Variants in KIAA1217 observed in about 807,000 individuals in gnomAD.
KIAA1217 encodes the protein sickle tail protein homolog.
In KIAA1217, 88 loss-of-function variants were observed where a neutral mutation model predicts 163.9. That is an observed-to-expected ratio of 0.54 (90% CI 0.45 to 0.64). The LOEUF is 0.64. KIAA1217 is among the 30% of genes least tolerant of loss of function. The probability of loss-of-function intolerance (pLI) is 0.00; values close to 1 mark genes in which losing one functional copy is unlikely to be tolerated. For synonymous variants in KIAA1217, 903 were observed against 923.1 expected (o/e 0.98, Z 0.39); for missense variants, 2,372 against 2,475.0 (o/e 0.96, Z 0.88).
chr10:23,849,245 A>G (rs1386219350), intron 1 of KIAA1217, among the ~76,000 whole-genome samples: 1 of 152,062 alleles, frequency 6.6e-6, no homozygotes, highest in African/African-American at 2.4e-5. Flanking sequence ...AAATCCAGGG[A>G]CTAATGTTGG....
rs143607296 is a variant in KIAA1217 at position 23,830,666 on chromosome 10, ATAGGTAGGTAGG to A, written c.-321+135464_-321+135475del. On this transcript the variant is annotated intron_variant, in intron 1 of 18. Coordinates refer to the KIAA1217 transcript ENST00000376462. ...GACGATTGATAGAAAATGAGAAATCATAGGTAGGTAGGTAGGTAGGTAGGTAGGTAGGTAGGT... is the reference window on the plus strand; with the variant it reads ...GACGATTGATAGAAAATGAGAAATCATAGGTAGGTAGGTAGGTAGGTAGGT... 1.8e-3 allele frequency among the ~76,000 whole-genome samples: 267 copies of A among 147,868 alleles called. 1 individual carries two copies. The highest frequency in any genetic ancestry group is 3.4e-3 in the East Asian group (17 of 4,950).
At chr10:23,939,477 T>A (rs12354660) in intron 1 of KIAA1217, among the ~76,000 whole-genome samples, 1 of 151,998 alleles carries the variant, frequency 6.6e-6, no homozygotes, top group Admixed American at 6.5e-5. Flanking sequence ...GCAGTAGATT[T>A]TAGGAGAAAG....
At chr10:24,113,628 C>T (rs912430927) in intron 2 of KIAA1217, among the ~76,000 whole-genome samples, 3 of 152,170 alleles carry the variant, frequency 2.0e-5, no homozygotes, top group African/African-American at 7.2e-5. Flanking sequence ...TAAAATGACA[C>T]CACTGAGCAG....
intron 2 of KIAA1217, among the ~76,000 whole-genome samples, chr10:24,187,218 GTCACAGC>G (rs2066478512): frequency 6.6e-6 from 1 of 152,146 alleles, no homozygotes; most frequent in African/African-American, 2.4e-5. Flanking sequence ...CTTGTCGCTT[GTCACAGC>G]ATCCTGGGTC....
chr10:24,483,588 G>A (rs1043459736), intron 6 of KIAA1217, among the ~76,000 whole-genome samples: 20 of 151,966 alleles, frequency 1.3e-4, no homozygotes, highest in African/African-American at 1.9e-4. Context: ...TTTTGAGTCC[G>A]CCCTAAGATT....
intron 2 of KIAA1217, among the ~76,000 whole-genome samples, chr10:24,202,567 A>G (rs964196028): frequency 2.0e-5 from 3 of 152,156 alleles, no homozygotes; most frequent in Non-Finnish European, 4.4e-5. Flanking sequence ...CCGTTGCCCA[A>G]AGGCTGTGCT....
Position 23,713,673 on chromosome 10 carries a change from C to A in KIAA1217, c.-321+18439C>A, listed in dbSNP as rs552117344. 2.0e-5 allele frequency among the ~76,000 whole-genome samples: 3 copies of A among 152,178 alleles called. No individual in the cohort carries two copies. The South Asian group carries it at 6.2e-4, about 32-fold the overall frequency. On this transcript the variant is annotated intron_variant, in intron 1 of 18. Transcript: ENST00000376462. ...TGATATTAATATCATTATTAGCTAT[C>A]CTTACATAAGACCACCCAATAAAAC...
intron 1 of KIAA1217, among the ~76,000 whole-genome samples, chr10:23,960,170 C>G (rs990213247): frequency 6.6e-6 from 1 of 152,088 alleles, no homozygotes; most frequent in African/African-American, 2.4e-5. Flanking sequence ...CCACCTGGGC[C>G]TCCCAAAGTG....
chr10:24,125,320 C>CTGTG (rs1491130955), intron 2 of KIAA1217, among the ~76,000 whole-genome samples: 32 of 92,256 alleles, frequency 3.5e-4, no homozygotes, highest in South Asian at 9.2e-4. Context: ...GAATCCTATG[C>CTGTG]TCTGTGTGTG....
chr10:24,426,579 C>T (rs911243605), intron 3 of KIAA1217, among the ~76,000 whole-genome samples: 55 of 151,910 alleles, frequency 3.6e-4, no homozygotes, highest in African/African-American at 1.3e-3. Flanking sequence ...GAGCCGAGAT[C>T]GCACCATTGC....
chr10:24,280,508 G>A (rs1390184701), intron 2 of KIAA1217, among the ~76,000 whole-genome samples: 1 of 152,110 alleles, frequency 6.6e-6, no homozygotes, highest in Admixed American at 6.6e-5. Context: ...TAAATAAAAT[G>A]TTTCCATAAA....
At chr10:24,109,096 G>A (rs2062742231) in intron 2 of KIAA1217, among the ~76,000 whole-genome samples, 1 of 152,176 alleles carries the variant, frequency 6.6e-6, no homozygotes, top group African/African-American at 2.4e-5. Context: ...CTCCCAAAGT[G>A]TTGGTATTAC....
intron 3 of KIAA1217, among the ~76,000 whole-genome samples, chr10:24,403,473 A>T (rs180908431): frequency 6.6e-6 from 1 of 152,194 alleles, no homozygotes; most frequent in East Asian, 1.9e-4. Flanking sequence ...TCCTGACCTC[A>T]AGTGATCCTC....
intron 1 of KIAA1217, among the ~76,000 whole-genome samples, chr10:23,985,781 G>A (rs2131423466): frequency 6.6e-6 from 1 of 152,224 alleles, no homozygotes; most frequent in East Asian, 1.9e-4. Context: ...ATTCTCCTTG[G>A]TCCAATGGCT....
chr10:24,245,129 G>T (rs1044589052), intron 2 of KIAA1217, among the ~76,000 whole-genome samples: 2 of 152,098 alleles, frequency 1.3e-5, no homozygotes, highest in Non-Finnish European at 2.9e-5. Context: ...CTATATGGCG[G>T]TCTAACTTCG....
At chr10:24,311,831 C>T (rs1039019901) in intron 2 of KIAA1217, among the ~76,000 whole-genome samples, 1 of 152,104 alleles carries the variant, frequency 6.6e-6, no homozygotes, top group African/African-American at 2.4e-5. Context: ...TAGGAAGGGG[C>T]TTCTTGTAGG....
chr10:24,098,183 A>G (rs2062238710), intron 2 of KIAA1217, among the ~76,000 whole-genome samples: 1 of 152,080 alleles, frequency 6.6e-6, no homozygotes, highest in Non-Finnish European at 1.5e-5. Flanking sequence ...TGGAAACAGA[A>G]AAGCTGCAAG....
intron 3 of KIAA1217, among the ~76,000 whole-genome samples, chr10:24,423,427 GGC>G (rs1351618354): frequency 2.0e-5 from 3 of 151,868 alleles, no homozygotes; most frequent in African/African-American, 4.8e-5. Flanking sequence ...TGGAATTACA[GGC>G]GCACACCACC....
rs537068179 is a variant in KIAA1217 at position 24,543,893 on chromosome 10, G to A, written c.4623G>A (p.Thr1541=). Residue 1541 remains threonine (T), a synonymous_variant, in exon 19 of 21, where the codon ACG becomes ACA. Transcript: ENST00000376454. The part of the protein sequence containing the change: ...RNPGGQEMNR[T]ELNKFSHVDS... ...CAGGAGGACAGGAAATGAACAGAACGGAGCTGAACAAGTTCAGCCACGTGG... is the reference window on the plus strand; with the variant it reads ...CAGGAGGACAGGAAATGAACAGAACAGAGCTGAACAAGTTCAGCCACGTGG... 3.5e-5 allele frequency: 57 copies of A among 1,613,970 alleles called. 1 individual carries two copies. Among genetic ancestry groups the A allele is most frequent in the South Asian group, 3.5e-4 (32 of 91,046 alleles).
Sources: gnomAD v4.1 joint callset for allele counts (sites outside exome capture counted in the v4.1 genomes callset) on GRCh38, gnomAD v4.1.1 for gene constraint, MANE v1.5 for transcripts, NCBI Gene and HGNC (gene_info 2026-07-23, HGNC 2026-07-21) for gene names.